The following TRIO variants were observed in gnomAD, a reference collection of about 807,000 sequenced individuals.
The protein encoded by TRIO is triple functional domain protein.
Under a neutral mutation model 351.9 loss-of-function variants are expected in TRIO, and 58 were observed. The observed-to-expected ratio is 0.16, with a 90% CI of 0.13 to 0.21. The LOEUF (loss-of-function observed/expected upper bound fraction) is 0.21. Among genes scored for constraint, TRIO ranks in the 10% least tolerant of loss-of-function variants. The pLI, the probability that TRIO is intolerant of heterozygous loss-of-function variation, is 1.00. For synonymous variants in TRIO, 1,758 were observed against 1,595.7 expected, an observed-to-expected ratio of 1.10 and a Z score of -2.42; for missense variants, 3,201 against 4,027.8, an observed-to-expected ratio of 0.79 and a Z score of 5.56.
chr5:14,236,028 A>G (rs886609112), intron 1 of TRIO, among the ~76,000 whole-genome samples: 3 of 140,844 alleles, frequency 2.1e-5, no homozygotes, highest in African/African-American at 5.4e-5. Flanking sequence ...AGCAACTCAC[A>G]TAGTTGGTTA....
chr5:14,488,461 T>C, intron 48 of TRIO: 1 of 708,614 alleles, frequency 1.4e-6, no homozygotes, highest in Non-Finnish European at 2.2e-6. Context: ...TCGTGTCTTC[T>C]AATAAGAGCA....
At chr5:14,268,140 C>T (rs1055407192) in intron 1 of TRIO, among the ~76,000 whole-genome samples, 5 of 152,144 alleles carry the variant, frequency 3.3e-5, no homozygotes, top group African/African-American at 1.2e-4. Flanking sequence ...AACTACAGCT[C>T]TGAGAAATGA....
intron 9 of TRIO, among the ~76,000 whole-genome samples, chr5:14,317,093 A>G (rs779971975): frequency 2.0e-5 from 3 of 152,196 alleles, no homozygotes; most frequent in Non-Finnish European, 4.4e-5. Flanking sequence ...TTTTCCAACT[A>G]TGTAAACAGT....
chr5:14,165,700 A>G (rs1788721710), intron 1 of TRIO, among the ~76,000 whole-genome samples: 1 of 152,150 alleles, frequency 6.6e-6, no homozygotes, highest in East Asian at 1.9e-4. Context: ...TTCCTTGGGA[A>G]GGGATGTAGC....
chr5:14,497,979 C>T lies in TRIO; in HGVS notation c.8047+105C>T. The T allele has an allele frequency of 6.2e-7, 1 of 1,609,876 alleles. No homozygotes were observed. The highest frequency in any genetic ancestry group is 8.5e-7 in the Non-Finnish European group (1 of 1,176,486). On this transcript the variant is annotated intron_variant, in intron 51 of 56. Coordinates refer to ENST00000344204, the MANE Select transcript of TRIO (RefSeq NM_007118.4). This position sits in a 1 kb window ranked among gnomAD's most constrained non-coding sequence, Gnocchi z 4.4. ...CTCTGGAAATGAGTTTTCCGTGGCG[C>T]TCTAGGCGTGCATAGCAGGTTAGGT... is the stretch of plus-strand genomic sequence containing the variant.
chr5:14,218,795 A>T (rs1238853766), intron 1 of TRIO, among the ~76,000 whole-genome samples: 1 of 152,196 alleles, frequency 6.6e-6, no homozygotes, highest in Admixed American at 6.5e-5. Context: ...TGGGGCACCA[A>T]TTCCTGGTTG....
rs146291893 is a variant in TRIO at position 14,338,486 on chromosome 5, C to T, written c.2046+1759C>T. Among the ~76,000 whole-genome samples, 9 of 152,312 alleles carry T rather than the reference C, an allele frequency of 5.9e-5. No homozygotes were observed. The East Asian group carries it at 9.6e-4, about 16-fold the overall frequency. ...AGCTCCCTCTACATGCACCTGTTAA[C>T]GGCAGTTGTCATGCGTGTGATTGTG... On this transcript the variant is annotated intron_variant, in intron 11 of 56. Transcript: ENST00000344204.
intron 1 of TRIO, among the ~76,000 whole-genome samples, chr5:14,253,618 C>T (rs958816494): frequency 1.3e-4 from 20 of 152,182 alleles, no homozygotes; most frequent in African/African-American, 2.9e-4. Context: ...GGATTGATTA[C>T]GGGCATGAAC....
chr5:14,457,370 A>ACC (rs1491324188), intron 34 of TRIO, among the ~76,000 whole-genome samples: 8 of 15,106 alleles, frequency 5.3e-4, no homozygotes, highest in Admixed American at 1.8e-3. Flanking sequence ...GGCAGCCCTG[A>ACC]CCTCCCCCCC....
chr5:14,471,480 G>C lies in TRIO; in HGVS notation c.5912+14G>C. The stretch of plus-strand genomic sequence containing the variant: ...AAAGAGAAGACAGTAAGACAGAAAT[G>C]TTTTCATTCTTATTGTTCTCTGGGT... On this transcript the variant is annotated intron_variant, in intron 38 of 56. Transcript: ENST00000344204. 4 of 1,613,604 alleles carry C rather than the reference G, an allele frequency of 2.5e-6. No individual in the cohort carries two copies. Among genetic ancestry groups the C allele is most frequent in the Non-Finnish European group, 3.4e-6 (4 of 1,179,780 alleles).
intron 8 of TRIO, among the ~76,000 whole-genome samples, chr5:14,309,070 AC>A (rs1169484525): frequency 1.0e-3 from 26 of 25,186 alleles, no homozygotes; most frequent in Admixed American, 8.7e-3. Flanking sequence ...CCCACCACTT[AC>A]CCACCCACCC....
At chr5:14,506,886 C>A (rs980886480) in intron 55 of TRIO, among the ~76,000 whole-genome samples, 1 of 152,114 alleles carries the variant, frequency 6.6e-6, no homozygotes. Context: ...TTGACTGTGC[C>A]GCTCTACCAC....
intron 1 of TRIO, among the ~76,000 whole-genome samples, chr5:14,210,096 C>T (rs888022160): frequency 6.6e-6 from 1 of 152,180 alleles, no homozygotes; most frequent in Non-Finnish European, 1.5e-5. Context: ...CAGGGTATGG[C>T]GCCCCAGGTG....
intron 11 of TRIO, among the ~76,000 whole-genome samples, chr5:14,343,203 C>T (rs143640780): frequency 6.6e-6 from 1 of 152,110 alleles, no homozygotes; most frequent in Non-Finnish European, 1.5e-5. Context: ...AACCAGGACA[C>T]TGACTTTGCT....
chr5:14,444,589 A>G (rs1752301574), intron 34 of TRIO, among the ~76,000 whole-genome samples: 1 of 152,182 alleles, frequency 6.6e-6, no homozygotes. Flanking sequence ...TGTTTAAAAC[A>G]AACAAACAAA....
Position 14,481,234 on chromosome 5 carries a change from G to A in TRIO, c.6337G>A (p.Asp2113Asn), listed in dbSNP as rs768400008. Residue 2113 changes from aspartate (D) to asparagine (N), a missense_variant and splice_region_variant, in exon 44 of 57, where the codon GAC becomes AAC. Physicochemically the swap from Asp to Asn is conservative, Grantham distance 23. Around this residue, in one of 19 missense-constraint regions of TRIO, gnomAD observed 307 missense variants for 396.5 expected, o/e 0.77. Transcript: ENST00000344204. Reference protein sequence around the residue: ...RIMKYQLLLKDFLKYSKKASL... With the variant: ...RIMKYQLLLKNFLKYSKKASL... ...CATGTCCTCTCCATTTCCCTTGCAG[G>A]ACTTCCTCAAGTATTCCAAAAAGGC... 6.2e-7 allele frequency: 1 copy of A among 1,613,536 alleles called. No individual in the cohort carries two copies. The highest frequency in any genetic ancestry group is 8.5e-7 in the Non-Finnish European group (1 of 1,179,774).
intron 1 of TRIO, among the ~76,000 whole-genome samples, chr5:14,148,490 C>T (rs1361403366): frequency 6.6e-6 from 1 of 152,136 alleles, no homozygotes; most frequent in East Asian, 1.9e-4. Context: ...ACTTTACTGC[C>T]TAGTAAACTC....
chr5:14,485,651 C>T (rs907826434), intron 47 of TRIO, among the ~76,000 whole-genome samples: 9 of 152,046 alleles, frequency 5.9e-5, no homozygotes, highest in African/African-American at 1.9e-4. Flanking sequence ...GAGACATTCA[C>T]GAGGGCCTTG....
intron 21 of TRIO, 50 bp downstream of exon 21, chr5:14,381,302 C>T (rs376189119): frequency 1.3e-6 from 2 of 1,538,198 alleles, no homozygotes; most frequent in East Asian, 2.3e-5. Flanking sequence ...GAAAGCGAGT[C>T]TTCAAAAATA....
Sources: allele counts gnomAD v4.1 joint callset (sites outside exome capture counted in the v4.1 genomes callset), GRCh38; gene constraint gnomAD v4.1.1; regional missense constraint gnomAD v4.1.1; non-coding constraint Gnocchi (gnomAD v3.1); transcripts MANE v1.5; gene names NCBI Gene and HGNC (gene_info 2026-07-23, HGNC 2026-07-21).